PSD3: variants seen among roughly 807,000 people sequenced by gnomAD.
The protein encoded by PSD3 is pleckstrin and Sec7 domain containing 3.
In PSD3, 49 loss-of-function variants were observed where a neutral mutation model predicts 105.5. That is an observed-to-expected ratio of 0.46 (90% CI 0.37 to 0.59). The LOEUF (loss-of-function observed/expected upper bound fraction) is 0.59, where lower values mean the gene tolerates loss of function less well. PSD3 is among the 20% of genes least tolerant of loss of function. The probability of loss-of-function intolerance (pLI) is 0.00; values close to 1 mark genes in which losing one functional copy is unlikely to be tolerated. For missense variants in PSD3, 1,561 were observed against 1,263.8 expected, an observed-to-expected ratio of 1.24 and a Z score of -3.57; for synonymous variants, 557 against 457.8, an observed-to-expected ratio of 1.22 and a Z score of -2.77.
At chr8:18,790,912 T>C (rs1166688203) in intron 8 of PSD3, among the ~76,000 whole-genome samples, 2 of 152,116 alleles carry the variant, frequency 1.3e-5, no homozygotes, top group Non-Finnish European at 2.9e-5. Flanking sequence ...CAAAAATCAC[T>C]AGCATTCCTA....
intron 2 of PSD3, among the ~76,000 whole-genome samples, chr8:18,916,297 G>GATAGATATATATAT: frequency 3.2e-5 from 1 of 31,284 alleles, no homozygotes; most frequent in African/African-American, 1.1e-4. Flanking sequence ...TAAAAAAAGT[G>GATAGATATATATAT]ATATATATAT....
rs1799621521 is a variant in PSD3 at position 18,531,318 on chromosome 8, C to T, written c.*4425G>A. The T allele has an allele frequency of 1.3e-5, 2 of 152,656 alleles. No homozygotes were observed. The highest frequency in any genetic ancestry group is 2.9e-5 in the Non-Finnish European group (2 of 68,044). The allele number at this position is 152,656 out of a possible 1,614,324, so 9.5% of individuals were successfully genotyped here. ...TCTCTCTATGAAGACATTCTCTCTG[C>T]ATGCAATGGGCCAATTATTGTCATA... On this transcript the variant is annotated 3_prime_UTR_variant, in exon 16 of 16. Transcript: ENST00000327040.
Position 18,949,221 on chromosome 8 carries a change from C to CAAAAAAAAAAA in PSD3, c.22-13090_22-13080dup, listed in dbSNP as rs1213755572. Among the ~76,000 whole-genome samples, 65 of 11,898 alleles carry CAAAAAAAAAAA rather than the reference C, an allele frequency of 5.5e-3. 6 individuals carry two copies. The highest frequency in any genetic ancestry group is 0.018 in the East Asian group (4 of 220). 7.8% of individuals were successfully genotyped at this position (11,898 alleles called of 152,430 possible). A position where few individuals can be genotyped will look rare whatever the true frequency, so the allele number is the denominator to read the frequency against. On this transcript the variant is annotated intron_variant, in intron 1 of 15. Transcript: ENST00000327040. ...TGGGCTACAGATCGAGACTCTGTCT[C>CAAAAAAAAAAA]AAAAAAAAAAAAAAAAAAAAAAAAT...
At chr8:18,592,276 CAA>C (rs1803670126) in intron 12 of PSD3, among the ~76,000 whole-genome samples, 1 of 151,766 alleles carries the variant, frequency 6.6e-6, no homozygotes, top group South Asian at 2.1e-4. Flanking sequence ...GAGCAGAAAA[CAA>C]AGAAGAAAGA....
At chr8:18,767,395 T>G (rs1274445768) in intron 8 of PSD3, among the ~76,000 whole-genome samples, 1 of 152,120 alleles carries the variant, frequency 6.6e-6, no homozygotes, top group African/African-American at 2.4e-5. Flanking sequence ...CAGAGAAGTG[T>G]CACAGGTATC....
intron 1 of PSD3, among the ~76,000 whole-genome samples, chr8:19,082,748 A>G (rs542348206): frequency 1.4e-4 from 22 of 152,352 alleles, no homozygotes; most frequent in Non-Finnish European, 2.4e-4. Flanking sequence ...ACTGAAGTAC[A>G]CAAACAATAA....
At chr8:18,860,489 C>G (rs1816357711) in intron 4 of PSD3, among the ~76,000 whole-genome samples, 1 of 151,468 alleles carries the variant, frequency 6.6e-6, no homozygotes, top group South Asian at 2.1e-4. Flanking sequence ...CTTCAAAGAG[C>G]AATAAAGCTA....
chr8:18,908,164 TTGTG>T (rs1819967659), intron 2 of PSD3, among the ~76,000 whole-genome samples: 1 of 152,172 alleles, frequency 6.6e-6, no homozygotes, highest in Admixed American at 6.5e-5. Context: ...ATCTATAAAT[TTGTG>T]CCTTTCAGAA....
intron 11 of PSD3, among the ~76,000 whole-genome samples, chr8:18,603,770 G>C (rs1804609732): frequency 6.6e-6 from 1 of 152,086 alleles, no homozygotes; most frequent in African/African-American, 2.4e-5. Context: ...CGTGAGATCT[G>C]GTTGTTTAAA....
intron 3 of PSD3, 126 bp downstream of exon 3, chr8:18,871,500 A>G: frequency 1.6e-6 from 2 of 1,252,030 alleles, no homozygotes; most frequent in South Asian, 1.6e-5. Context: ...ACAGTAACTC[A>G]TCTTATATTC....
chr8:18,823,327 T>C (rs1252271745), intron 4 of PSD3, among the ~76,000 whole-genome samples: 1 of 152,186 alleles, frequency 6.6e-6, no homozygotes, highest in Admixed American at 6.5e-5. Context: ...ATTCCTATCA[T>C]TGGAACTAGG....
At chr8:19,069,499 T>C (rs1454884205) in intron 1 of PSD3, among the ~76,000 whole-genome samples, 1 of 152,214 alleles carries the variant, frequency 6.6e-6, no homozygotes, top group African/African-American at 2.4e-5. Flanking sequence ...ACCCATTACA[T>C]GTACATCTGT....
chr8:18,935,442 G>C (rs912104025), intron 2 of PSD3, among the ~76,000 whole-genome samples: 1 of 151,476 alleles, frequency 6.6e-6, no homozygotes, highest in Non-Finnish European at 1.5e-5. Context: ...TTGTGGGGCC[G>C]AGGCAGGAGG....
intron 1 of PSD3, among the ~76,000 whole-genome samples, chr8:19,011,771 A>C (rs916832563): frequency 2.2e-5 from 1 of 44,464 alleles, no homozygotes; most frequent in Admixed American, 1.5e-4. Flanking sequence ...CTCGCATTTA[A>C]AAAAAAAAAA....
At chr8:19,064,389 G>A (rs1829004298) in intron 1 of PSD3, among the ~76,000 whole-genome samples, 1 of 151,712 alleles carries the variant, frequency 6.6e-6, no homozygotes, top group African/African-American at 2.4e-5. Context: ...ATTTTTAACT[G>A]TTATTTACAC....
chr8:18,722,363 C>G (rs1421768689), intron 9 of PSD3, among the ~76,000 whole-genome samples: 1 of 152,040 alleles, frequency 6.6e-6, no homozygotes, highest in Non-Finnish European at 1.5e-5. Flanking sequence ...AGAGTTAAAT[C>G]AGAATCTAAA....
intron 2 of PSD3, among the ~76,000 whole-genome samples, chr8:18,916,281 T>C (rs1263346913): frequency 7.8e-6 from 1 of 128,304 alleles, no homozygotes; most frequent in East Asian, 2.2e-4. Flanking sequence ...GATTGCTGAA[T>C]GGATTTAAAA....
chr8:18,666,560 A>G (rs970615591), intron 9 of PSD3, among the ~76,000 whole-genome samples: 1 of 152,218 alleles, frequency 6.6e-6, no homozygotes, highest in Non-Finnish European at 1.5e-5. Flanking sequence ...ATCATCAAAA[A>G]ACAAACTAAG....
chr8:19,079,993 G>A (rs1423350456), intron 1 of PSD3, among the ~76,000 whole-genome samples: 3 of 150,748 alleles, frequency 2.0e-5, no homozygotes, highest in Non-Finnish European at 2.9e-5. Context: ...GGGTTCAAGC[G>A]ATTCTCCTGC....
Sources: gnomAD v4.1 joint callset for allele counts (sites outside exome capture counted in the v4.1 genomes callset) on GRCh38, gnomAD v4.1.1 for gene constraint, MANE v1.5 for transcripts, NCBI Gene and HGNC (gene_info 2026-07-23, HGNC 2026-07-21) for gene names.